Variants in FOXP2 observed in about 807,000 individuals in gnomAD.
FOXP2 encodes the protein forkhead box protein P2.
A neutral mutation model predicts 115.8 loss-of-function variants in FOXP2; 12 were observed. That is an observed-to-expected ratio of 0.10 (90% CI 0.07 to 0.17). The LOEUF is 0.17. FOXP2 is among the 10% of genes least tolerant of loss of function. The pLI is 1.00. For synonymous variants in FOXP2, 328 were observed against 297.7 expected (o/e 1.10, Z -1.05); for missense variants, 629 against 843.5 (o/e 0.75, Z 3.15).
At chr7:114,450,192 T>C (rs1477569815) in intron 2 of FOXP2, among the ~76,000 whole-genome samples, 1 of 152,078 alleles carries the variant, frequency 6.6e-6, no homozygotes, top group Non-Finnish European at 1.5e-5. Flanking sequence ...CTGATACACT[T>C]AACCAAAAAC....
chr7:114,642,957 C>T (rs1433680268), intron 7 of FOXP2, among the ~76,000 whole-genome samples: 4 of 150,416 alleles, frequency 2.7e-5, no homozygotes, highest in Non-Finnish European at 4.4e-5. Flanking sequence ...TACAGGCGCC[C>T]GCCCCCACGC....
At chr7:114,238,269 CTT>C (rs34893739) in intron 1 of FOXP2, among the ~76,000 whole-genome samples, 31 of 150,044 alleles carry the variant, frequency 2.1e-4, no homozygotes, top group South Asian at 6.3e-4. Context: ...GATTTTAACA[CTT>C]TTTTTTTTTC....
At chr7:114,458,552 T>C (rs1295590132) in intron 2 of FOXP2, among the ~76,000 whole-genome samples, 1 of 146,352 alleles carries the variant, frequency 6.8e-6, no homozygotes, top group East Asian at 2.0e-4. Context: ...TTTTCTTTTT[T>C]TTTTTTTTTT....
chr7:114,595,964 T>C (rs577588204), intron 3 of FOXP2, among the ~76,000 whole-genome samples: 12 of 151,952 alleles, frequency 7.9e-5, no homozygotes, highest in Middle Eastern at 3.4e-3. Flanking sequence ...ATAATATGAG[T>C]AGTTTCAGTG....
chr7:114,478,183 G>A (rs1796371190), intron 2 of FOXP2, among the ~76,000 whole-genome samples: 1 of 151,824 alleles, frequency 6.6e-6, no homozygotes, highest in Admixed American at 6.6e-5. Context: ...GACTGAGTAA[G>A]TATATGTCAA....
At chr7:114,130,773 A>G (rs575119504) in intron 1 of FOXP2, among the ~76,000 whole-genome samples, 50 of 152,230 alleles carry the variant, frequency 3.3e-4, no homozygotes, top group Middle Eastern at 3.2e-3. Flanking sequence ...GGTATTTGAG[A>G]AAATTGGGAA....
chr7:114,460,036 A>G (rs1400629379), intron 2 of FOXP2, among the ~76,000 whole-genome samples: 1 of 152,216 alleles, frequency 6.6e-6, no homozygotes, highest in East Asian at 1.9e-4. Flanking sequence ...ATGTCTTCAG[A>G]ACGATTGTGT....
intron 1 of FOXP2, among the ~76,000 whole-genome samples, chr7:114,231,095 A>T: frequency 6.6e-6 from 1 of 152,052 alleles, no homozygotes; most frequent in Non-Finnish European, 1.5e-5. Context: ...ATACATTAAC[A>T]GTGAGCAATC....
At chr7:114,169,503 C>T (rs1270033855) in intron 1 of FOXP2, among the ~76,000 whole-genome samples, 5 of 152,186 alleles carry the variant, frequency 3.3e-5, no homozygotes, top group African/African-American at 1.2e-4. Context: ...TTCCCAATGC[C>T]TGTATCTTCA....
At chr7:114,379,177 C>T (rs1792217687) in intron 2 of FOXP2, among the ~76,000 whole-genome samples, 1 of 152,132 alleles carries the variant, frequency 6.6e-6, no homozygotes, top group South Asian at 2.1e-4. Flanking sequence ...CTGTTGCTGG[C>T]TCGAATGCCT....
chr7:114,130,421 G>A (rs1435568308), intron 1 of FOXP2, among the ~76,000 whole-genome samples: 1 of 152,140 alleles, frequency 6.6e-6, no homozygotes, highest in Non-Finnish European at 1.5e-5. Context: ...TGTGCCTAAA[G>A]TGTTCATTTT....
chr7:114,427,863 A>G (rs1268842377), intron 2 of FOXP2, among the ~76,000 whole-genome samples: 1 of 151,660 alleles, frequency 6.6e-6, no homozygotes, highest in Non-Finnish European at 1.5e-5. Context: ...AGAGCTACAT[A>G]GTACTTTTGA....
intron 2 of FOXP2, among the ~76,000 whole-genome samples, chr7:114,460,955 G>A (rs896895818): frequency 6.6e-6 from 1 of 152,118 alleles, no homozygotes; most frequent in Non-Finnish European, 1.5e-5. Flanking sequence ...CTCCTTCCTT[G>A]AGACTGTCTT....
At chr7:114,407,046 G>T (rs1300819500) in intron 2 of FOXP2, among the ~76,000 whole-genome samples, 1 of 151,914 alleles carries the variant, frequency 6.6e-6, no homozygotes, top group Non-Finnish European at 1.5e-5. Context: ...TAAGAAAAGG[G>T]AATAAGAGAG....
chr7:114,664,089 G>A (rs901448781), intron 15 of FOXP2, among the ~76,000 whole-genome samples, 184 bp from the exon 16 acceptor site: 9 of 152,004 alleles, frequency 5.9e-5, no homozygotes, highest in African/African-American at 2.2e-4. Flanking sequence ...TTTTCACATC[G>A]CACTTAATTT....
At chr7:114,170,440 A>G (rs1424320453) in intron 1 of FOXP2, among the ~76,000 whole-genome samples, 1 of 152,306 alleles carries the variant, frequency 6.6e-6, no homozygotes, top group Admixed American at 6.5e-5. Flanking sequence ...ACTTTAAATC[A>G]AAAGTTAGAA....
At chr7:114,352,026 G>A (rs1451163188) in intron 2 of FOXP2, among the ~76,000 whole-genome samples, 1 of 152,028 alleles carries the variant, frequency 6.6e-6, no homozygotes, top group African/African-American at 2.4e-5. Context: ...CCAGCACTTT[G>A]GGAGGCCGAG....
At chr7:114,090,952 G>A (rs902990895) in intron 1 of FOXP2, among the ~76,000 whole-genome samples, 1 of 151,532 alleles carries the variant, frequency 6.6e-6, no homozygotes, top group Non-Finnish European at 1.5e-5. Context: ...AGTTAGAAGG[G>A]TTGTCTAAAA....
In FOXP2 at chr7:114,385,045, C is replaced by T. The variant is rs139386840; in HGVS notation, c.-10-41457C>T. On this transcript the variant is annotated intron_variant, in intron 2 of 17. Transcript: ENST00000634411. ...ATGACTCCCTCTTTGTCTCTCTCTC[C>T]CCCCCTCTCTCTCTAATTCCCTCTC... Among the ~76,000 whole-genome samples, 375 of 151,528 alleles carry T rather than the reference C, an allele frequency of 2.5e-3. 2 individuals are homozygous for T. Among genetic ancestry groups the T allele is most frequent in the African/African-American group, 8.8e-3 (361 of 41,254 alleles).
Sources: gnomAD v4.1 joint callset for allele counts (sites outside exome capture counted in the v4.1 genomes callset) on GRCh38, gnomAD v4.1.1 for gene constraint, MANE v1.5 for transcripts, NCBI Gene and HGNC (gene_info 2026-07-23, HGNC 2026-07-21) for gene names.